ANO6: variants seen among roughly 807,000 people sequenced by gnomAD.
ANO6 encodes the protein anoctamin-6.
In ANO6, 106 loss-of-function variants were observed where a neutral mutation model predicts 117.5. The ratio of observed to expected loss-of-function variants is 0.90; its 90% CI spans 0.77 to 1.06. The LOEUF (loss-of-function observed/expected upper bound fraction) is 1.06. ANO6 is among the 50% of genes least tolerant of loss of function. The probability of loss-of-function intolerance (pLI) is 0.00; values close to 1 mark genes in which losing one functional copy is unlikely to be tolerated. For synonymous variants in ANO6, 367 were observed against 385.1 expected (o/e 0.95, Z 0.55); for missense variants, 955 against 1,121.1 (o/e 0.85, Z 2.12).
intron 6 of ANO6, among the ~76,000 whole-genome samples, chr12:45,349,281 C>G (rs1190971076): frequency 1.3e-5 from 2 of 152,136 alleles, no homozygotes; most frequent in African/African-American, 4.8e-5. Context: ...TGGAATATCC[C>G]TGGGCTTTTA....
At chr12:45,255,521 G>A (rs1937779374) in intron 1 of ANO6, among the ~76,000 whole-genome samples, 1 of 152,122 alleles carries the variant, frequency 6.6e-6, no homozygotes, top group Non-Finnish European at 1.5e-5. Flanking sequence ...GAATGTTGCT[G>A]AAGGAGGTTG....
chr12:45,405,570 G>T (rs1159902996), intron 15 of ANO6, among the ~76,000 whole-genome samples: 1 of 152,176 alleles, frequency 6.6e-6, no homozygotes, highest in Non-Finnish European at 1.5e-5. Flanking sequence ...TTCTCTTTGT[G>T]TAGGTGCCAG....
At chr12:45,344,553 C>T (rs944033413) in intron 3 of ANO6, among the ~76,000 whole-genome samples, 2 of 152,104 alleles carry the variant, frequency 1.3e-5, no homozygotes, top group African/African-American at 4.8e-5. Context: ...TGAGAACTCA[C>T]TATCACAAGA....
chr12:45,300,546 T>C (rs955740020), intron 1 of ANO6, among the ~76,000 whole-genome samples: 2 of 152,190 alleles, frequency 1.3e-5, no homozygotes, highest in African/African-American at 4.8e-5. Context: ...AATAAGTCCT[T>C]TATAACTGGT....
intron 1 of ANO6, among the ~76,000 whole-genome samples, chr12:45,248,660 C>T (rs956229438): frequency 2.0e-5 from 3 of 151,944 alleles, no homozygotes; most frequent in South Asian, 2.1e-4. Context: ...TCTCGTGACC[C>T]GCCCGCCTCA....
intron 1 of ANO6, among the ~76,000 whole-genome samples, chr12:45,286,211 G>T (rs144609977): frequency 6.6e-6 from 1 of 152,262 alleles, no homozygotes; most frequent in African/African-American, 2.4e-5. Context: ...TGTTGCCTAG[G>T]CTGGACTTGC....
intron 4 of ANO6, 61 bp downstream of exon 4, chr12:45,347,148 C>T: frequency 6.7e-7 from 1 of 1,491,360 alleles, no homozygotes; most frequent in Non-Finnish European, 9.4e-7. Flanking sequence ...CTTCGTGCCA[C>T]TTGGAATACT....
At chr12:45,440,074 T>A in exon 20 of ANO6, 1 of 927,560 alleles carries the variant, frequency 1.1e-6, no homozygotes, top group Non-Finnish European at 1.4e-6. Context: ...TTAATTTTCC[T>A]CTAAATCGTA....
At chr12:45,433,412 T>G (rs986784761), downstream of ANO6, among the ~76,000 whole-genome samples, 2 of 152,146 alleles carry the variant, frequency 1.3e-5, no homozygotes, top group African/African-American at 4.8e-5. Context: ...AATACTCGAG[T>G]GCATTACTTT....
intron 1 of ANO6, among the ~76,000 whole-genome samples, chr12:45,282,782 A>G (rs1387987757): frequency 6.6e-6 from 1 of 152,324 alleles, no homozygotes; most frequent in East Asian, 1.9e-4. Flanking sequence ...ATATTTTACA[A>G]TGAGTCATTG....
At chr12:45,419,252 GTC>G (rs1159180207) in intron 17 of ANO6, among the ~76,000 whole-genome samples, 23 of 152,218 alleles carry the variant, frequency 1.5e-4, no homozygotes, top group African/African-American at 5.3e-4. Context: ...CTTGCAGCAT[GTC>G]TCTCAGAGCA....
intron 1 of ANO6, among the ~76,000 whole-genome samples, chr12:45,274,249 C>G (rs574418663): frequency 1.3e-5 from 2 of 152,298 alleles, no homozygotes; most frequent in East Asian, 3.9e-4. Flanking sequence ...CACTCCTTAT[C>G]TCTCCCTTGC....
intron 2 of ANO6, among the ~76,000 whole-genome samples, chr12:45,318,074 G>A (rs1940115450): frequency 6.6e-6 from 1 of 152,180 alleles, no homozygotes; most frequent in Admixed American, 6.5e-5. Context: ...TCTGTAGGTT[G>A]CTTGTTCACT....
chr12:45,321,293 C>T (rs1356412340), intron 2 of ANO6, among the ~76,000 whole-genome samples: 2 of 152,018 alleles, frequency 1.3e-5, no homozygotes, highest in East Asian at 1.9e-4. Context: ...AGGTTAGTTG[C>T]AATGTGGAAT....
At chr12:45,231,057 A>G (rs1378911843) in intron 1 of ANO6, among the ~76,000 whole-genome samples, 5 of 152,272 alleles carry the variant, frequency 3.3e-5, no homozygotes, top group Admixed American at 3.3e-4. Context: ...CAGTGAACCA[A>G]TATCACACCA....
In ANO6 at chr12:45,291,437, C is replaced by CA. The variant is rs200636101; in HGVS notation, c.71-10567dup. 1.0e-3 allele frequency among the ~76,000 whole-genome samples: 122 copies of CA among 119,638 alleles called. 1 individual carries two copies. In the East Asian group the frequency reaches 0.019, roughly 19 times the overall value. The allele number at this position is 119,638 out of a possible 152,430, so 78.5% of individuals were successfully genotyped here. A position where few individuals can be genotyped will look rare whatever the true frequency, so the allele number is the denominator to read the frequency against. Reference sequence around the variant, plus strand: ...TTAGATATAACATCAAAAACATGAACAAAAAAAAAATTAAAAATAGATAAC... The same window carrying CA: ...TTAGATATAACATCAAAAACATGAACAAAAAAAAAAATTAAAAATAGATAAC... On this transcript the variant is annotated intron_variant, in intron 1 of 19. Transcript: ENST00000320560.
chr12:45,291,346 C>CAAAAAAAA (rs747924513), intron 1 of ANO6, among the ~76,000 whole-genome samples: 1 of 48,230 alleles, frequency 2.1e-5, no homozygotes, highest in Non-Finnish European at 4.0e-5. Flanking sequence ...AACTCCGTCT[C>CAAAAAAAA]AAAAAAAAAA....
chr12:45,270,672 A>G (rs1938367159), intron 1 of ANO6: 3 of 463,132 alleles, frequency 6.5e-6, no homozygotes, highest in Non-Finnish European at 3.8e-6. Flanking sequence ...GAAGTTCTGT[A>G]ACTTTTTATT....
At chr12:45,306,707 T>G (rs371573131) in intron 2 of ANO6, among the ~76,000 whole-genome samples, 13 of 152,112 alleles carry the variant, frequency 8.5e-5, no homozygotes, top group East Asian at 5.8e-4. Context: ...ATCTACTATT[T>G]TAGGTGAAGA....
Sources: allele counts gnomAD v4.1 joint callset (sites outside exome capture counted in the v4.1 genomes callset), GRCh38; gene constraint gnomAD v4.1.1; transcripts MANE v1.5; gene names NCBI Gene and HGNC (gene_info 2026-07-23, HGNC 2026-07-21).